The following TAOK3 variants were observed in gnomAD, a reference collection of about 807,000 sequenced individuals.
TAOK3 encodes serine/threonine-protein kinase TAO3.
A neutral mutation model predicts 120.4 loss-of-function variants in TAOK3; 40 were observed. That is an observed-to-expected ratio of 0.33 (90% CI 0.26 to 0.43). The LOEUF (loss-of-function observed/expected upper bound fraction) is 0.43. TAOK3 is among the 20% of genes least tolerant of loss of function. TAOK3 has a pLI of 1.00. For missense variants in TAOK3, 821 were observed against 1,112.1 expected (o/e 0.74, Z 3.72); for synonymous variants, 355 against 387.5 (o/e 0.92, Z 0.99).
At chr12:118,235,718 T>C (rs1363795444) in intron 7 of TAOK3, 47 bp from the exon 8 acceptor site, 1 of 1,269,576 alleles carries the variant, frequency 7.9e-7, no homozygotes, top group Non-Finnish European at 1.1e-6. Flanking sequence ...TCAATTTTGA[T>C]TATGGAATAG....
intron 1 of TAOK3, among the ~76,000 whole-genome samples, chr12:118,282,736 TC>T (rs1367298682): frequency 6.6e-6 from 1 of 152,170 alleles, no homozygotes; most frequent in Non-Finnish European, 1.5e-5. Context: ...ACTCTTATCA[TC>T]TTCACAACTG....
intron 1 of TAOK3, among the ~76,000 whole-genome samples, chr12:118,284,444 C>A (rs1002040820): frequency 5.9e-5 from 9 of 152,022 alleles, no homozygotes; most frequent in Non-Finnish European, 1.3e-4. Flanking sequence ...GCTACAGAGC[C>A]TCGAAAAGAC....
At chr12:118,158,694 C>A (rs1220336633) in intron 19 of TAOK3, among the ~76,000 whole-genome samples, 1 of 152,218 alleles carries the variant, frequency 6.6e-6, no homozygotes, top group Non-Finnish European at 1.5e-5. Context: ...ATATTTGCCA[C>A]ATTTCTGCTA....
chr12:118,350,974 T>C (rs1485666508), intron 1 of TAOK3, among the ~76,000 whole-genome samples: 1 of 150,432 alleles, frequency 6.6e-6, no homozygotes, highest in Non-Finnish European at 1.5e-5. Context: ...AGGTCAGGAC[T>C]TTGAGACCAC....
chr12:118,225,993 A>G (rs900200460), intron 9 of TAOK3, among the ~76,000 whole-genome samples: 1 of 152,252 alleles, frequency 6.6e-6, no homozygotes, highest in African/African-American at 2.4e-5. Context: ...TAATCCCAAC[A>G]CTTTGGGAGG....
chr12:118,215,712 T>C (rs1284213086), intron 9 of TAOK3, among the ~76,000 whole-genome samples: 1 of 151,930 alleles, frequency 6.6e-6, no homozygotes, highest in African/African-American at 2.4e-5. Flanking sequence ...ACTCAGTGAG[T>C]CAGGCATTTA....
At chr12:118,366,398 C>G (rs995173529) in intron 1 of TAOK3, among the ~76,000 whole-genome samples, 2 of 152,196 alleles carry the variant, frequency 1.3e-5, no homozygotes, top group South Asian at 2.1e-4. Context: ...TTAGTGCCAT[C>G]TATTGTAATG....
At chr12:118,284,104 C>T (rs1435723761) in intron 1 of TAOK3, among the ~76,000 whole-genome samples, 1 of 151,752 alleles carries the variant, frequency 6.6e-6, no homozygotes, top group Admixed American at 6.6e-5. Flanking sequence ...AGAATATAAA[C>T]CAAAATGTTA....
intron 1 of TAOK3, among the ~76,000 whole-genome samples, chr12:118,304,735 A>G (rs2042989499): frequency 1.3e-5 from 2 of 152,218 alleles, no homozygotes; most frequent in Non-Finnish European, 2.9e-5. Flanking sequence ...TGTTCAGATA[A>G]TGTTCCTAAA....
chr12:118,314,308 T>C (rs1943267281), intron 1 of TAOK3, among the ~76,000 whole-genome samples: 1 of 152,198 alleles, frequency 6.6e-6, no homozygotes, highest in Non-Finnish European at 1.5e-5. Context: ...CTAAAGCAAA[T>C]TCAATATCTT....
Position 118,368,696 on chromosome 12 carries a change from C to T in TAOK3, c.-194+3952G>A, listed in dbSNP as rs1228692320. Among the ~76,000 whole-genome samples, 13 of 150,642 alleles carry T rather than the reference C, an allele frequency of 8.6e-5. No homozygotes were observed. The East Asian group carries it at 1.8e-3, about 21-fold the overall frequency. On this transcript the variant is annotated intron_variant, in intron 1 of 20. Transcript: ENST00000392533. The stretch of plus-strand genomic sequence containing the variant: ...TGGCGCACGCCTGTAATCCCAGCTA[C>T]CCGGGAGGCTGAGGCAGGAGAATCG...
At chr12:118,347,457 A>G (rs2044914911) in intron 1 of TAOK3, among the ~76,000 whole-genome samples, 1 of 151,954 alleles carries the variant, frequency 6.6e-6, no homozygotes, top group South Asian at 2.1e-4. Context: ...TATTGAGGGG[A>G]GGAGGGGGAG....
At chr12:118,349,646 A>G (rs1046518355) in intron 1 of TAOK3, among the ~76,000 whole-genome samples, 2 of 152,242 alleles carry the variant, frequency 1.3e-5, no homozygotes, top group Non-Finnish European at 1.5e-5. Context: ...TTTTTGGTGT[A>G]ATGAAAATGT....
chr12:118,184,800 GA>G (rs1374918238), intron 14 of TAOK3, among the ~76,000 whole-genome samples: 1 of 152,196 alleles, frequency 6.6e-6, no homozygotes, highest in Non-Finnish European at 1.5e-5. Flanking sequence ...ATTGTGTGGA[GA>G]AAAACCTCAT....
Position 118,181,490 on chromosome 12 carries a change from T to C in TAOK3, c.1447A>G (p.Lys483Glu). The change falls in exon 15 of 21, where the codon AAG becomes GAG. Residue 483 changes from lysine to glutamate, a missense_variant. Physicochemically the swap from Lys to Glu is moderately conservative, Grantham distance 56. Coordinates refer to ENST00000392533, the MANE Select transcript of TAOK3 (RefSeq NM_016281.4). The part of the protein sequence containing the change: ...KQLIALENKL[K>E]AEMDEHRLKL... ...AGGCGGTGCTCGTCCATCTCAGCCT[T>C]CAGCTTGTTCTCCAGGGCGATCAGC... 6.2e-7 allele frequency: 1 copy of C among 1,614,226 alleles called. No individual in the cohort carries two copies. The highest frequency in any genetic ancestry group is 8.5e-7 in the Non-Finnish European group (1 of 1,180,042).
intron 1 of TAOK3, among the ~76,000 whole-genome samples, chr12:118,325,646 T>C (rs993418843): frequency 6.6e-6 from 1 of 152,116 alleles, no homozygotes; most frequent in Non-Finnish European, 1.5e-5. Context: ...AGTTTGCCAA[T>C]ATTTTCTCCC....
chr12:118,273,375 G>A (rs376345619), intron 1 of TAOK3, among the ~76,000 whole-genome samples: 2 of 152,114 alleles, frequency 1.3e-5, no homozygotes, highest in African/African-American at 2.4e-5. Context: ...GGTGGTACAC[G>A]CCTGTAGTTC....
At chr12:118,291,943 A>G in intron 1 of TAOK3, among the ~76,000 whole-genome samples, 1 of 152,038 alleles carries the variant, frequency 6.6e-6, no homozygotes, top group Admixed American at 6.6e-5. Flanking sequence ...CCTCCCCAGT[A>G]GCTGGGACTA....
At chr12:118,332,319 AT>A (rs892117972) in intron 1 of TAOK3, among the ~76,000 whole-genome samples, 5 of 151,530 alleles carry the variant, frequency 3.3e-5, no homozygotes, top group African/African-American at 1.2e-4. Flanking sequence ...CCATTACATT[AT>A]TTTTTTGTAC....
Sources: gnomAD v4.1 joint callset for allele counts (sites outside exome capture counted in the v4.1 genomes callset) on GRCh38, gnomAD v4.1.1 for gene constraint, MANE v1.5 for transcripts, NCBI Gene and HGNC (gene_info 2026-07-23, HGNC 2026-07-21) for gene names.